PIEZO1: variants seen among roughly 807,000 people sequenced by gnomAD.
PIEZO1 encodes the protein piezo-type mechanosensitive ion channel component 1.
PIEZO1 carries 296 observed loss-of-function variants against 297.2 expected under a neutral mutation model. That is an observed-to-expected ratio of 1.00 (90% CI 0.91 to 1.10). The LOEUF is 1.10. PIEZO1 is among the 50% of genes least tolerant of loss of function. The pLI is 0.00. For missense variants in PIEZO1, 5,018 were observed against 3,455.5 expected (o/e 1.45, Z -11.34); for synonymous variants, 2,427 against 1,507.5 (o/e 1.61, Z -14.13).
chr16:88,743,331 G>A (rs957780780), intron 2 of PIEZO1: 4 of 455,444 alleles, frequency 8.8e-6, no homozygotes, highest in Non-Finnish European at 1.8e-5. Context: ...AGTCCTGACA[G>A]GGCTGTGGAC....
At chr16:88,738,895 CCT>C in intron 5 of PIEZO1, 159 bp from the exon 6 acceptor site, 1 of 645,262 alleles carries the variant, frequency 1.5e-6, no homozygotes, top group Non-Finnish European at 2.7e-6. Context: ...CCCAGCCGTC[CCT>C]GAGGTCTGCC....
rs144927577 is a variant in PIEZO1 at position 88,772,241 on chromosome 16, A to C, written c.64+12660T>G. ...ACCTGTGTCCAGCGCTGAAGTCCCAAGTCTGTGTCCAAGCTCAGAAGGAGG... is the reference window on the plus strand; with the variant it reads ...ACCTGTGTCCAGCGCTGAAGTCCCACGTCTGTGTCCAAGCTCAGAAGGAGG... On this transcript the variant is annotated intron_variant, in intron 1 of 50. Coordinates refer to ENST00000301015, the MANE Select transcript of PIEZO1 (RefSeq NM_001142864.4). 1.8e-3 allele frequency among the ~76,000 whole-genome samples: 268 copies of C among 152,358 alleles called. 2 individuals carry two copies. The highest frequency in any genetic ancestry group is 6.2e-3 in the African/African-American group (256 of 41,596).
rs188815734 is a variant in PIEZO1, at chr16:88,738,240, C to G, written c.835G>C (p.Gly279Arg). 2.6e-6 allele frequency: 4 copies of G among 1,535,676 alleles called. No individual in the cohort carries two copies. The African/African-American group carries it at 5.5e-5, about 21-fold the overall frequency. ...GCAAGCCGTTACCTAGCCCAGATGC[C>G]GGCAGGCGGGAGCAGAGCCTGTGCC... Reference protein sequence around the residue: ...PLAQALLPPAGIWARVLGLKD... With the variant: ...PLAQALLPPARIWARVLGLKD... Residue 279 changes from glycine to arginine, a missense_variant, in exon 7 of 51, where the codon GGC (glycine) becomes CGC (arginine). Physicochemically the swap from Gly to Arg is moderately radical, Grantham distance 125. Transcript: ENST00000301015.
intron 21 of PIEZO1, 77 bp downstream of exon 21, chr16:88,732,258 G>A: frequency 1.5e-6 from 2 of 1,311,072 alleles, no homozygotes; most frequent in East Asian, 2.5e-5. Context: ...CAGGCTTGCG[G>A]TGCCTGCACG....
chr16:88,749,551 C>A (rs1442011517), intron 1 of PIEZO1, 72 bp from the exon 2 acceptor site: 3 of 1,151,502 alleles, frequency 2.6e-6, no homozygotes, highest in Non-Finnish European at 3.7e-6. Flanking sequence ...ACAGCGCACC[C>A]ACGGCCCAGC....
intron 1 of PIEZO1, 105 bp from the exon 2 acceptor site, chr16:88,749,584 T>C: frequency 3.4e-6 from 3 of 870,284 alleles, no homozygotes; most frequent in Non-Finnish European, 5.2e-6. Context: ...CGAGGCCGTG[T>C]GCCCTGTGAG....
intron 1 of PIEZO1, among the ~76,000 whole-genome samples, chr16:88,779,970 C>G (rs1907855664): frequency 6.6e-6 from 1 of 152,342 alleles, no homozygotes; most frequent in East Asian, 1.9e-4. Flanking sequence ...CCCGAGAGAC[C>G]TGAGACTTGG....
At chr16:88,758,552 C>T (rs1174933781) in intron 1 of PIEZO1, among the ~76,000 whole-genome samples, 1 of 152,344 alleles carries the variant, frequency 6.6e-6, no homozygotes, top group African/African-American at 2.4e-5. Flanking sequence ...CCCACTGCCC[C>T]CACTCCACAG....
chr16:88,764,303 A>T (rs1445190569), intron 1 of PIEZO1, among the ~76,000 whole-genome samples: 1 of 152,162 alleles, frequency 6.6e-6, no homozygotes, highest in African/African-American at 2.4e-5. Flanking sequence ...GGTTCCATAT[A>T]ACCCATTCTC....
Position 88,716,860 on chromosome 16 carries a change from G to A in PIEZO1, c.6699C>T (p.Ile2233=). Reference sequence around the variant, plus strand: ...CCTCATAGGCCTGGGCCGTGAAGGGGATGATGGACGGCTGCTGGGCGCTCA... The same window carrying A: ...CCTCATAGGCCTGGGCCGTGAAGGGAATGATGGACGGCTGCTGGGCGCTCA... The part of the protein sequence containing the change: ...FTMSAQQPSI[I]PFTAQAYEEL... Residue 2233 remains isoleucine, a synonymous_variant, in exon 46 of 51, where the codon ATC becomes ATT. Coordinates refer to ENST00000301015, the MANE Select transcript of PIEZO1 (RefSeq NM_001142864.4). The A allele has an allele frequency of 1.3e-6, 2 of 1,550,086 alleles. No homozygotes were observed. Among genetic ancestry groups the A allele is most frequent in the Non-Finnish European group, 1.7e-6 (2 of 1,146,946 alleles).
chr16:88,726,489 G>C (rs1315070536), intron 26 of PIEZO1, 34 bp from the exon 27 acceptor site: 1 of 1,547,052 alleles, frequency 6.5e-7, no homozygotes, highest in South Asian at 1.2e-5. Flanking sequence ...GTCAGGCCCA[G>C]GGCCCAGGAG....
chr16:88,764,806 G>C (rs1168779988), intron 1 of PIEZO1, among the ~76,000 whole-genome samples: 1 of 151,288 alleles, frequency 6.6e-6, no homozygotes, highest in African/African-American at 2.4e-5. Flanking sequence ...GCCTGCCTTT[G>C]ACTCCCAGCA....
At chr16:88,763,292 C>A (rs1311910063) in intron 1 of PIEZO1, among the ~76,000 whole-genome samples, 4 of 152,194 alleles carry the variant, frequency 2.6e-5, no homozygotes, top group Non-Finnish European at 4.4e-5. Context: ...GTGAACAGGG[C>A]GGCCCAAGGC....
rs766128083 is a variant in PIEZO1, at chr16:88,722,975, C to A, written c.4530G>T (p.Thr1510=). The change falls in exon 34 of 51, where the codon ACG becomes ACT. Residue 1510 remains threonine, a synonymous_variant. Transcript: ENST00000301015. ...GCCCCAGCATCCACAGGAACTGCGC[C>A]GTGCTCAGCACCCTCTGCACCACAT... The part of the protein sequence containing the change: ...RSHVVQRVLS[T]AQFLWMLGQA... 6.6e-7 allele frequency: 1 copy of A among 1,505,470 alleles called. No individual in the cohort carries two copies. The allele number at this position is 1,505,470 out of a possible 1,614,324, so 93.3% of individuals were successfully genotyped here.
rs1246210469 is a variant in PIEZO1, at chr16:88,742,489, GC to G, written c.161-68del. 1.4e-5 allele frequency: 21 copies of G among 1,487,978 alleles called. No individual in the cohort carries two copies. The East Asian group carries it at 5.2e-4, about 37-fold the overall frequency. 92.2% of individuals were successfully genotyped at this position (1,487,978 alleles called of 1,614,324 possible). A position where few individuals can be genotyped will look rare whatever the true frequency, so the allele number is the denominator to read the frequency against. ...GAGGGGCCGCAGCCCAGGCCGCTCA[GC>G]CGGACAATAGCCCCCAGCCCGGCCA... is the stretch of plus-strand genomic sequence containing the variant. On this transcript the variant is annotated intron_variant, in intron 2 of 50. Transcript: ENST00000301015.
chr16:88,723,040 G>A (rs1244873148), intron 33 of PIEZO1, 31 bp from the exon 34 acceptor site: 5 of 1,543,354 alleles, frequency 3.2e-6, no homozygotes, highest in Admixed American at 2.0e-5. Flanking sequence ...GCGCTGGAGG[G>A]GCAGCCTGTG....
At chr16:88,775,847 A>G (rs1466295794) in intron 1 of PIEZO1, among the ~76,000 whole-genome samples, 1 of 152,202 alleles carries the variant, frequency 6.6e-6, no homozygotes, top group Non-Finnish European at 1.5e-5. Flanking sequence ...GTCAAAAGAC[A>G]AAAGACCCCA....
rs1905374268 is a variant in PIEZO1, at chr16:88,738,120, C to A, written c.849-15G>T. The A allele has an allele frequency of 6.5e-7, 1 of 1,535,808 alleles. No individual in the cohort carries two copies. The highest frequency in any genetic ancestry group is 8.7e-7 in the Non-Finnish European group (1 of 1,146,832). On this transcript the variant is annotated splice_polypyrimidine_tract_variant and intron_variant, in intron 7 of 50. Coordinates refer to ENST00000301015, the MANE Select transcript of PIEZO1 (RefSeq NM_001142864.4). Reference sequence around the variant, plus strand: ...GACCCAGCACCCTGTCCAGAGAAGACCCGTCACAGCCTACCACCCCAGAGG... The same window carrying A: ...GACCCAGCACCCTGTCCAGAGAAGAACCGTCACAGCCTACCACCCCAGAGG...
At position 88,721,193 on chromosome 16, in the gene PIEZO1, G is replaced by A; in HGVS notation, c.5641C>T (p.Pro1881Ser). The A allele has an allele frequency of 6.6e-7, 1 of 1,511,056 alleles. No homozygotes were observed. 93.6% of individuals were successfully genotyped at this position (1,511,056 alleles called of 1,614,324 possible). ...ATGGCTGCCGCTCCTTTCCGTGCTGGGCCCTCCTTCTTCCTTCTTCTAAAA... is the reference window on the plus strand; with the variant it reads ...ATGGCTGCCGCTCCTTTCCGTGCTGAGCCCTCCTTCTTCCTTCTTCTAAAA... ...LRFRRRKKEG[P>S]ARKGAAAIEA... Residue 1881 changes from proline to serine, a missense_variant, in exon 39 of 51, where the codon CCA becomes TCA. Coordinates refer to ENST00000301015, the MANE Select transcript of PIEZO1 (RefSeq NM_001142864.4).
Sources: allele counts gnomAD v4.1 joint callset (sites outside exome capture counted in the v4.1 genomes callset), GRCh38; gene constraint gnomAD v4.1.1; transcripts MANE v1.5; gene names NCBI Gene and HGNC (gene_info 2026-07-23, HGNC 2026-07-21).